Variants in SEC23B observed in about 807,000 individuals in gnomAD.
SEC23B encodes the protein protein transport protein Sec23B.
Under a neutral mutation model 104.3 loss-of-function variants are expected in SEC23B, and 77 were observed. The observed-to-expected ratio is 0.74, with a 90% CI of 0.61 to 0.89. The LOEUF is 0.89. Among genes scored for constraint, SEC23B ranks in the 40% least tolerant of loss-of-function variants. The probability of loss-of-function intolerance (pLI) is 0.00; values close to 1 mark genes in which losing one functional copy is unlikely to be tolerated. For synonymous variants in SEC23B, 338 were observed against 332.5 expected, an observed-to-expected ratio of 1.02 and a Z score of -0.18; for missense variants, 885 against 949.4, an observed-to-expected ratio of 0.93 and a Z score of 0.89.
chr20:18,536,120 A>G (rs1337262406), intron 12 of SEC23B, among the ~76,000 whole-genome samples: 2 of 152,240 alleles, frequency 1.3e-5, no homozygotes, highest in Non-Finnish European at 2.9e-5. Context: ...AGGTGAACCC[A>G]TCAACTTGAT....
chr20:18,517,492 G>T (rs1342606110), intron 4 of SEC23B, among the ~76,000 whole-genome samples: 1 of 152,206 alleles, frequency 6.6e-6, no homozygotes, highest in Non-Finnish European at 1.5e-5. Flanking sequence ...AGGCCATCTG[G>T]ATGTATACGT....
At position 18,526,037 on chromosome 20, in the gene SEC23B, T is replaced by C. The variant is rs562360389; in HGVS notation, c.834+105T>C. The C allele has an allele frequency of 1.9e-5, 24 of 1,291,540 alleles. No homozygotes were observed. The African/African-American group carries it at 3.3e-4, about 18-fold the overall frequency. 80.0% of individuals were successfully genotyped at this position (1,291,540 alleles called of 1,614,324 possible). A position where few individuals can be genotyped will look rare whatever the true frequency, so the allele number is the denominator to read the frequency against. On this transcript the variant is annotated intron_variant, in intron 7 of 19. Transcript: ENST00000650089. ...TCACTTGTGATCTAAGTCAACCGTC[T>C]GTGTTAATGTATCAGAAAGCATTTG...
intron 14 of SEC23B, among the ~76,000 whole-genome samples, chr20:18,543,889 A>G (rs2060310503): frequency 1.3e-5 from 2 of 152,174 alleles, no homozygotes; most frequent in African/African-American, 4.8e-5. Flanking sequence ...AAAATGTCTC[A>G]CTGGAGACAT....
At chr20:18,545,925 T>G (rs569750429) in intron 14 of SEC23B, 31 bp from the exon 15 acceptor site, 92 of 1,212,424 alleles carry the variant, frequency 7.6e-5, no homozygotes, top group African/African-American at 3.4e-4. Context: ...TTGTGTGTGT[T>G]TGTTTGTTTT....
chr20:18,521,504 T>G (rs2060083554), intron 4 of SEC23B, among the ~76,000 whole-genome samples: 1 of 152,174 alleles, frequency 6.6e-6, no homozygotes, highest in South Asian at 2.1e-4. Flanking sequence ...AAAGGAGCAT[T>G]AAACTTGACT....
chr20:18,534,647 ACT>A (rs1442296921), intron 11 of SEC23B, among the ~76,000 whole-genome samples: 2 of 151,664 alleles, frequency 1.3e-5, no homozygotes, highest in African/African-American at 2.4e-5. Context: ...ACAATATGAA[ACT>A]CTTGTTTGCC....
intron 8 of SEC23B, among the ~76,000 whole-genome samples, chr20:18,527,253 G>A (rs139505952): frequency 6.6e-6 from 1 of 152,140 alleles, no homozygotes; most frequent in Non-Finnish European, 1.5e-5. Flanking sequence ...AATTTGCTGG[G>A]GATGGTGGCG....
At chr20:18,514,348 C>G (rs2060006525) in intron 3 of SEC23B, among the ~76,000 whole-genome samples, 1 of 152,180 alleles carries the variant, frequency 6.6e-6, no homozygotes, top group African/African-American at 2.4e-5. Context: ...ATAGATCGAG[C>G]TTATCCCTGC....
chr20:18,530,612 TACTG>T, intron 9 of SEC23B, 64 bp from the exon 10 acceptor site: 1 of 1,563,376 alleles, frequency 6.4e-7, no homozygotes, highest in South Asian at 1.2e-5. Context: ...TTTTTGTAAA[TACTG>T]AGGGAGCATC....
chr20:18,523,142 C>G (rs925831322), intron 4 of SEC23B, among the ~76,000 whole-genome samples: 1 of 152,022 alleles, frequency 6.6e-6, no homozygotes, highest in Non-Finnish European at 1.5e-5. Flanking sequence ...TTCTTTTACC[C>G]AGGGTAAAAG....
rs3762202 is a variant in SEC23B at position 18,531,028 on chromosome 20, T to C, written c.1233+225T>C. ...TCTGGCAACCTCCACCTGCTGGACA[T>C]GGGCATGTAAAAGCCAATTAAAAGG... On this transcript the variant is annotated intron_variant, in intron 10 of 19. Coordinates refer to ENST00000650089, the MANE Select transcript of SEC23B (RefSeq NM_006363.6). Among the ~76,000 whole-genome samples the C allele has an allele frequency of 0.68, 103,526 of 152,168 alleles. 36,673 individuals are homozygous for C. The highest frequency in any genetic ancestry group is 0.8 in the Non-Finnish European group (54,148 of 68,016).
chr20:18,538,611 A>T (rs2060258833), intron 12 of SEC23B, among the ~76,000 whole-genome samples: 1 of 152,150 alleles, frequency 6.6e-6, no homozygotes, highest in African/African-American at 2.4e-5. Context: ...TCTTCCTTCC[A>T]GGAAAGATTT....
intron 15 of SEC23B, 100 bp from the exon 16 acceptor site, chr20:18,548,509 T>TC (rs2060355255): frequency 2.7e-5 from 32 of 1,182,476 alleles, no homozygotes; most frequent in Non-Finnish European, 3.8e-5. Flanking sequence ...AGCCCTTTTC[T>TC]GGGTTCTCCT....
At chr20:18,520,959 G>A (rs765470445) in intron 4 of SEC23B, among the ~76,000 whole-genome samples, 44 of 152,252 alleles carry the variant, frequency 2.9e-4, no homozygotes, top group Non-Finnish European at 5.3e-4. Flanking sequence ...TGAACAGTCC[G>A]ATTTTCAGTG....
chr20:18,544,186 C>T (rs2060312723), intron 14 of SEC23B, among the ~76,000 whole-genome samples: 1 of 152,212 alleles, frequency 6.6e-6, no homozygotes, highest in Non-Finnish European at 1.5e-5. Flanking sequence ...ATCTTACCTT[C>T]CTGGAGAGTC....
intron 17 of SEC23B, among the ~76,000 whole-genome samples, chr20:18,552,647 C>G (rs2060398912): frequency 6.6e-6 from 1 of 152,064 alleles, no homozygotes; most frequent in Non-Finnish European, 1.5e-5. Flanking sequence ...AACCCTGTCT[C>G]TACTAAAAAT....
chr20:18,530,920 GGCATGA>G, intron 10 of SEC23B, 117 bp downstream of exon 10: 1 of 759,770 alleles, frequency 1.3e-6, no homozygotes. Flanking sequence ...GGGATTATGA[GGCATGA>G]GCCACTGTAC....
At chr20:18,524,807 C>T (rs2060119880) in intron 5 of SEC23B, 128 bp from the exon 6 acceptor site, 1 of 1,238,112 alleles carries the variant, frequency 8.1e-7, no homozygotes, top group Non-Finnish European at 1.2e-6. Context: ...ATTGGCCCAC[C>T]TCAGCCTCAT....
chr20:18,532,902 G>A (rs972215058), intron 11 of SEC23B, among the ~76,000 whole-genome samples, 158 bp downstream of exon 11: 1 of 152,230 alleles, frequency 6.6e-6, no homozygotes, highest in Admixed American at 6.5e-5. Flanking sequence ...GAGAGGTGGT[G>A]TTATTCCATC....
Sources: allele counts gnomAD v4.1 joint callset (sites outside exome capture counted in the v4.1 genomes callset), GRCh38; gene constraint gnomAD v4.1.1; transcripts MANE v1.5; gene names NCBI Gene and HGNC (gene_info 2026-07-23, HGNC 2026-07-21).